Variants in FBXO34 observed in about 807,000 individuals in gnomAD.
FBXO34 encodes F-box only protein 34.
In FBXO34, 12 loss-of-function variants were observed where a neutral mutation model predicts 24.5. That is an observed-to-expected ratio of 0.49 (90% CI 0.31 to 0.79). The LOEUF is 0.79. Ranked by LOEUF, FBXO34 falls within the 30% of genes least tolerant of loss-of-function variation. FBXO34 has a pLI of 0.04. For missense variants in FBXO34, 823 were observed against 857.7 expected (o/e 0.96, Z 0.51); for synonymous variants, 320 against 311.9 (o/e 1.03, Z -0.27).
At chr14:55,425,630 G>C in the FBXO34 span, among the ~76,000 whole-genome samples, 1 of 152,100 alleles carries the variant, frequency 6.6e-6, no homozygotes. Flanking sequence ...TGAGAATATC[G>C]AACACCTGCC....
chr14:55,338,083 T>C (rs1021390689), intron 1 of FBXO34, among the ~76,000 whole-genome samples: 1 of 141,142 alleles, frequency 7.1e-6, no homozygotes, highest in African/African-American at 2.8e-5. Flanking sequence ...GGAGTCTCGC[T>C]CTGTCGCCCA....
chr14:55,386,690 G>A, the FBXO34 span, among the ~76,000 whole-genome samples: 6 of 152,164 alleles, frequency 3.9e-5, no homozygotes, highest in Admixed American at 6.6e-5. Flanking sequence ...AGTGCTGCAA[G>A]GGAAACAAAA....
downstream of FBXO34, among the ~76,000 whole-genome samples, chr14:55,358,415 A>C (rs1884550531): frequency 6.6e-6 from 1 of 152,154 alleles, no homozygotes; most frequent in Non-Finnish European, 1.5e-5. Context: ...GCAGGAACAC[A>C]GAGAGCCCTC....
chr14:55,282,660 C>T (rs1408540761), intron 1 of FBXO34: 3 of 152,432 alleles, frequency 2.0e-5, no homozygotes, highest in Non-Finnish European at 2.9e-5. Flanking sequence ...TGACTGTAGA[C>T]AATGTCCCCG....
chr14:55,428,512 T>C, the FBXO34 span, among the ~76,000 whole-genome samples: 1 of 152,144 alleles, frequency 6.6e-6, no homozygotes, highest in Non-Finnish European at 1.5e-5. Flanking sequence ...TTTGAGCTTT[T>C]TAGAAACACA....
At chr14:55,421,094 G>A in the FBXO34 span, among the ~76,000 whole-genome samples, 1 of 151,156 alleles carries the variant, frequency 6.6e-6, no homozygotes, top group Non-Finnish European at 1.5e-5. Context: ...AAGAAATTTG[G>A]GGTAGGTGGG....
At chr14:55,344,101 G>A (rs1884079707) in intron 1 of FBXO34, among the ~76,000 whole-genome samples, 1 of 152,188 alleles carries the variant, frequency 6.6e-6, no homozygotes, top group Non-Finnish European at 1.5e-5. Context: ...AAGGATTTAA[G>A]CTGACAGGTA....
At position 55,320,988 on chromosome 14, in the gene FBXO34, G is replaced by C. The variant is rs915256430; in HGVS notation, c.-10-29393G>C. Among the ~76,000 whole-genome samples, 3 of 152,050 alleles carry C rather than the reference G, an allele frequency of 2.0e-5. No homozygotes were observed. The East Asian group carries it at 5.8e-4, about 29-fold the overall frequency. ...TGGGTTAAATATTAATTTTGTTATA[G>C]TTTTCTTTTTTATTCATCTTTTGAG... On this transcript the variant is annotated intron_variant, in intron 1 of 1. Transcript: ENST00000313833.
At chr14:55,272,525 CTTTTTT>C (rs542675528) in intron 1 of FBXO34, among the ~76,000 whole-genome samples, 28 of 113,582 alleles carry the variant, frequency 2.5e-4, no homozygotes, top group African/African-American at 8.8e-4. Context: ...AATCAGTTTG[CTTTTTT>C]TTTTTTTTTT....
chr14:55,280,468 A>G (rs1459260777), intron 1 of FBXO34, among the ~76,000 whole-genome samples: 2 of 151,800 alleles, frequency 1.3e-5, no homozygotes, highest in African/African-American at 4.8e-5. Flanking sequence ...GTTTGTTTAA[A>G]GTATGCGGTA....
At chr14:55,400,806 A>G in the FBXO34 span, among the ~76,000 whole-genome samples, 1 of 152,078 alleles carries the variant, frequency 6.6e-6, no homozygotes, top group African/African-American at 2.4e-5. Flanking sequence ...TGGGAGGCTG[A>G]GGCAGGAGAA....
chr14:55,316,493 G>C (rs1227296933), intron 1 of FBXO34, among the ~76,000 whole-genome samples: 1 of 150,878 alleles, frequency 6.6e-6, no homozygotes, highest in African/African-American at 2.4e-5. Context: ...TTGGGAGGTA[G>C]AGGTGGGTGA....
At position 55,352,033 on chromosome 14, in the gene FBXO34, C is replaced by T; in HGVS notation, c.1643C>T (p.Ser548Phe). The T allele has an allele frequency of 6.2e-7, 1 of 1,614,096 alleles. No homozygotes were observed. The highest frequency in any genetic ancestry group is 1.1e-5 in the South Asian group (1 of 91,064). Reference protein sequence around the residue: ...VESTLPVLEASSWKKQVSHDF... With the variant: ...VESTLPVLEAFSWKKQVSHDF... ...AGTACATTACCAGTGCTTGAGGCAT[C>T]CAGTTGGAAGAAGCAGGTGTCGCAT... The change falls in exon 2 of 2, where the codon TCC (serine) becomes TTC (phenylalanine). Residue 548 changes from serine (S) to phenylalanine (F), a missense_variant. Around this residue, in one of 2 missense-constraint regions of FBXO34, gnomAD observed 693 missense variants for 659.1 expected, o/e 1.05. Transcript: ENST00000313833.
chr14:55,413,025 C>G, the FBXO34 span, among the ~76,000 whole-genome samples: 2 of 152,200 alleles, frequency 1.3e-5, no homozygotes, highest in African/African-American at 4.8e-5. Context: ...CCTCCGTCTT[C>G]TTAATCTTAC....
At chr14:55,311,831 A>C (rs1331231363) in intron 1 of FBXO34, among the ~76,000 whole-genome samples, 1 of 151,440 alleles carries the variant, frequency 6.6e-6, no homozygotes, top group Non-Finnish European at 1.5e-5. Context: ...GGGTTCAAGA[A>C]ATTCTCCTGC....
At chr14:55,411,579 T>G in the FBXO34 span, 1 of 1,588,300 alleles carries the variant, frequency 6.3e-7, no homozygotes, top group Admixed American at 1.8e-5. Flanking sequence ...GAAGAAACAA[T>G]AGGGCCGTGG....
At chr14:55,344,193 T>TC (rs1884083080) in intron 1 of FBXO34, among the ~76,000 whole-genome samples, 1 of 152,106 alleles carries the variant, frequency 6.6e-6, no homozygotes, top group African/African-American at 2.4e-5. Flanking sequence ...TAGTCACCCC[T>TC]CCATCATGAA....
chr14:55,321,713 G>C (rs1033789848), intron 1 of FBXO34, among the ~76,000 whole-genome samples: 3 of 152,110 alleles, frequency 2.0e-5, no homozygotes, highest in Non-Finnish European at 4.4e-5. Flanking sequence ...CAGTGTTTCT[G>C]ACTGGTCCCA....
the FBXO34 span, among the ~76,000 whole-genome samples, chr14:55,430,389 C>T: frequency 7.6e-6 from 1 of 131,298 alleles, no homozygotes; most frequent in African/African-American, 3.0e-5. Flanking sequence ...TGATTCTCCT[C>T]ACCCACTTTA....
Sources: gnomAD v4.1 joint callset for allele counts (sites outside exome capture counted in the v4.1 genomes callset) on GRCh38, gnomAD v4.1.1 for gene constraint, gnomAD v4.1.1 regional missense constraint, MANE v1.5 for transcripts, NCBI Gene and HGNC (gene_info 2026-07-23, HGNC 2026-07-21) for gene names.